Variants in DNAH12 observed in about 807,000 individuals in gnomAD.
The protein encoded by DNAH12 is dynein axonemal heavy chain 12, also known as axonemal beta dynein heavy chain 12.
A neutral mutation model predicts 371.5 loss-of-function variants in DNAH12; 285 were observed. The ratio of observed to expected loss-of-function variants is 0.77; its 90% CI spans 0.70 to 0.85. The LOEUF (loss-of-function observed/expected upper bound fraction) is 0.85. Among genes scored for constraint, DNAH12 ranks in the 40% least tolerant of loss-of-function variants. The pLI, the probability that DNAH12 is intolerant of heterozygous loss-of-function variation, is 0.00. For synonymous variants in DNAH12, 1,200 were observed against 1,213.0 expected (o/e 0.99, Z 0.22); for missense variants, 3,611 against 3,689.4 (o/e 0.98, Z 0.55).
chr3:57,415,802 T>G (rs1223358638), intron 37 of DNAH12, among the ~76,000 whole-genome samples: 1 of 150,392 alleles, frequency 6.6e-6, no homozygotes, highest in Non-Finnish European at 1.5e-5. Flanking sequence ...TTTTTTTTTT[T>G]TTTTGAGACA....
In DNAH12 at chr3:57,510,970, T is replaced by C; in HGVS notation, c.289A>G (p.Ile97Val). 13 of 1,597,088 alleles carry C rather than the reference T, an allele frequency of 8.1e-6. No individual in the cohort carries two copies. The highest frequency in any genetic ancestry group is 1.0e-5 in the Non-Finnish European group (12 of 1,176,374). The change falls in exon 5 of 74, where the codon ATT becomes GTT. Residue 97 changes from isoleucine (I) to valine (V), a missense_variant. By Grantham distance (29) the Ile-to-Val change is conservative. This residue lies in a region of DNAH12 where 1,314 missense variants were observed against 1,398.7 expected (regional missense o/e 0.94). Coordinates refer to ENST00000495027, the MANE Select transcript of DNAH12 (RefSeq NM_001366028.2). The part of the protein sequence containing the change: ...SEMKKKGFNY[I>V]YMKQCVESSP... Reference sequence around the variant, plus strand: ...CTTTCTACACATTGCTTCATATAAATATAGTTGAACTGAGAACATAAGAAA... The same window carrying C: ...CTTTCTACACATTGCTTCATATAAACATAGTTGAACTGAGAACATAAGAAA...
chr3:57,357,099 A>G (rs2062818003), intron 59 of DNAH12, 77 bp downstream of exon 59: 4 of 152,168 alleles, frequency 2.6e-5, no homozygotes, highest in African/African-American at 9.7e-5. Flanking sequence ...GTTTTAAAAA[A>G]AAGTTACATT....
intron 62 of DNAH12, among the ~76,000 whole-genome samples, chr3:57,328,667 C>T (rs1357862910): frequency 6.9e-6 from 1 of 144,224 alleles, no homozygotes; most frequent in African/African-American, 2.6e-5. Flanking sequence ...GGGATGCCCT[C>T]TCTCACCACT....
At chr3:57,300,415 A>G (rs2061321749) in intron 70 of DNAH12, among the ~76,000 whole-genome samples, 1 of 152,200 alleles carries the variant, frequency 6.6e-6, no homozygotes, top group Non-Finnish European at 1.5e-5. Context: ...AACCCTTTCA[A>G]TATTCTGTTT....
At chr3:57,397,196 T>C (rs1024349967) in intron 43 of DNAH12, among the ~76,000 whole-genome samples, 5 of 147,442 alleles carry the variant, frequency 3.4e-5, no homozygotes, top group Non-Finnish European at 5.9e-5. Context: ...TAGACCCTTG[T>C]TCTCCCCTGA....
chr3:57,397,367 C>G (rs1220499380), intron 43 of DNAH12, among the ~76,000 whole-genome samples: 1 of 152,206 alleles, frequency 6.6e-6, no homozygotes, highest in Non-Finnish European at 1.5e-5. Context: ...GCTCCTCCCC[C>G]AGCTGGGCAC....
rs149768789 is a variant in DNAH12, at chr3:57,485,493, C to A, written c.1515-1982G>T. 1.5e-3 allele frequency among the ~76,000 whole-genome samples: 229 copies of A among 151,854 alleles called. 1 individual carries two copies. The highest frequency in any genetic ancestry group is 5.2e-3 in the African/African-American group (214 of 41,342). ...GTGCAATACACCACAACCTTCACCTCCAGGTTCAAGCCATTCTCCTGCCTC... is the reference window on the plus strand; with the variant it reads ...GTGCAATACACCACAACCTTCACCTACAGGTTCAAGCCATTCTCCTGCCTC... On this transcript the variant is annotated intron_variant, in intron 12 of 73. Coordinates refer to ENST00000495027, the MANE Select transcript of DNAH12 (RefSeq NM_001366028.2).
intron 40 of DNAH12, among the ~76,000 whole-genome samples, chr3:57,407,803 AT>A (rs1233047655): frequency 6.6e-6 from 1 of 152,002 alleles, no homozygotes; most frequent in African/African-American, 2.4e-5. Flanking sequence ...TTTTATAATT[AT>A]TTTTTCATTG....
chr3:57,523,730 A>G, intron 3 of DNAH12, 73 bp downstream of exon 3: 1 of 1,392,530 alleles, frequency 7.2e-7, no homozygotes. Context: ...AACATCAGTT[A>G]TATTGAGATT....
At chr3:57,376,791 G>A (rs1309605529) in intron 53 of DNAH12, among the ~76,000 whole-genome samples, 190 bp downstream of exon 53, 2 of 152,126 alleles carry the variant, frequency 1.3e-5, no homozygotes, top group East Asian at 1.9e-4. Flanking sequence ...AAGACCATGT[G>A]AAAGCAATTT....
intron 59 of DNAH12, among the ~76,000 whole-genome samples, chr3:57,354,750 T>C (rs2062759232): frequency 6.6e-6 from 1 of 152,124 alleles, no homozygotes. Context: ...AAACAGATTT[T>C]AATCTGTGGT....
intron 62 of DNAH12, among the ~76,000 whole-genome samples, chr3:57,324,566 A>T (rs2061887385): frequency 1.3e-5 from 2 of 152,140 alleles, no homozygotes; most frequent in South Asian, 4.1e-4. Flanking sequence ...AAGCCTTAAG[A>T]AAGAAAAAAG....
chr3:57,401,997 T>C (rs1317627611), intron 43 of DNAH12, among the ~76,000 whole-genome samples: 5 of 152,206 alleles, frequency 3.3e-5, no homozygotes, highest in Non-Finnish European at 5.9e-5. Context: ...TAATACTGTA[T>C]CTGTCTAATT....
chr3:57,531,767 C>CAAAAAA lies in DNAH12; in HGVS notation c.171-7889_171-7884dup, dbSNP rs35142998. Among the ~76,000 whole-genome samples the CAAAAAA allele has an allele frequency of 7.8e-4, 39 of 50,262 alleles. 2 individuals carry two copies. The highest frequency in any genetic ancestry group is 1.9e-3 in the African/African-American group (27 of 14,116). The allele number at this position is 50,262 out of a possible 152,430, so 33.0% of individuals were successfully genotyped here. A position where few individuals can be genotyped will look rare whatever the true frequency, so the allele number is the denominator to read the frequency against. On this transcript the variant is annotated intron_variant, in intron 2 of 73. Transcript: ENST00000495027. ...GACAGAGCAAGACTCCACTCCATCT[C>CAAAAAA]AAAAAAAAAAAAAAAAAAAAAAAAG...
At chr3:57,477,332 A>T (rs2066568742) in intron 13 of DNAH12, among the ~76,000 whole-genome samples, 2 of 152,134 alleles carry the variant, frequency 1.3e-5, no homozygotes. Context: ...CATTGCTAGC[A>T]CAGCAGTCTG....
At chr3:57,318,075 T>G (rs764758049) in intron 65 of DNAH12, among the ~76,000 whole-genome samples, 1 of 152,192 alleles carries the variant, frequency 6.6e-6, no homozygotes, top group Non-Finnish European at 1.5e-5. Context: ...TAACTCCTTA[T>G]CTAATATATG....
chr3:57,438,916 G>GCCAAAAAAAA (rs2065216698), intron 29 of DNAH12, among the ~76,000 whole-genome samples: 1 of 8,952 alleles, frequency 1.1e-4, no homozygotes, highest in African/African-American at 5.1e-4. Flanking sequence ...CTCTGTCTCA[G>GCCAAAAAAAA]ACAAAAAAAA....
rs889532976 is a variant in DNAH12 at position 57,483,318 on chromosome 3, A to G, written c.1650+58T>C. On this transcript the variant is annotated intron_variant, in intron 13 of 73. Coordinates refer to ENST00000495027, the MANE Select transcript of DNAH12 (RefSeq NM_001366028.2). ...ACTATATATTTTATACATCTTCACCATGAAAATAATATTTCACAATGAAAA... is the reference window on the plus strand; with the variant it reads ...ACTATATATTTTATACATCTTCACCGTGAAAATAATATTTCACAATGAAAA... The G allele has an allele frequency of 3.0e-5, 45 of 1,520,242 alleles. No individual in the cohort carries two copies. The African/African-American group carries it at 4.2e-4, about 14-fold the overall frequency. 94.2% of individuals were successfully genotyped at this position (1,520,242 alleles called of 1,614,324 possible). A position where few individuals can be genotyped will look rare whatever the true frequency, so the allele number is the denominator to read the frequency against.
intron 13 of DNAH12, among the ~76,000 whole-genome samples, chr3:57,479,153 T>TC (rs138913857): frequency 0.67 from 101,398 of 151,718 alleles, 34,133 homozygotes; most frequent in South Asian, 0.75. Flanking sequence ...TCAAGACCCA[T>TC]AGTGTGCTGT....
Sources: allele counts gnomAD v4.1 joint callset (sites outside exome capture counted in the v4.1 genomes callset), GRCh38; gene constraint gnomAD v4.1.1; regional missense constraint gnomAD v4.1.1; transcripts MANE v1.5; gene names NCBI Gene and HGNC (gene_info 2026-07-23, HGNC 2026-07-21).